The following ARHGEF12 variants were observed in gnomAD, a reference collection of about 807,000 sequenced individuals.
ARHGEF12 encodes KMT2A/ARHGEF12 fusion protein.
A neutral mutation model predicts 211.2 loss-of-function variants in ARHGEF12; 66 were observed. The observed-to-expected ratio is 0.31, with a 90% CI of 0.26 to 0.38. The LOEUF (loss-of-function observed/expected upper bound fraction) is 0.38. Ranked by LOEUF, ARHGEF12 falls within the 10% of genes least tolerant of loss-of-function variation. The probability of loss-of-function intolerance (pLI) is 1.00; values close to 1 mark genes in which losing one functional copy is unlikely to be tolerated. For synonymous variants in ARHGEF12, 592 were observed against 638.4 expected (o/e 0.93, Z 1.09); for missense variants, 1,429 against 1,869.5 (o/e 0.76, Z 4.34).
intron 1 of ARHGEF12, among the ~76,000 whole-genome samples, chr11:120,392,553 A>G (rs777528521): frequency 7.2e-5 from 11 of 152,182 alleles, no homozygotes; most frequent in Non-Finnish European, 1.3e-4. Context: ...ACACAAGTCA[A>G]ACTGACTTAA....
At chr11:120,482,265 T>G (rs2136015740) in intron 39 of ARHGEF12, among the ~76,000 whole-genome samples, 2 of 152,334 alleles carry the variant, frequency 1.3e-5, no homozygotes, top group South Asian at 4.1e-4. Flanking sequence ...CTGTAGCCTA[T>G]TATCTGTGAC....
At chr11:120,482,703 C>A (rs1307485778) in intron 39 of ARHGEF12, among the ~76,000 whole-genome samples, 1 of 151,568 alleles carries the variant, frequency 6.6e-6, no homozygotes, top group Non-Finnish European at 1.5e-5. Flanking sequence ...TGAGATCACG[C>A]CACTGCACTC....
At chr11:120,356,871 T>C (rs1943144994) in intron 1 of ARHGEF12, among the ~76,000 whole-genome samples, 1 of 152,192 alleles carries the variant, frequency 6.6e-6, no homozygotes, top group African/African-American at 2.4e-5. Flanking sequence ...ACTGTAATGT[T>C]TCCTACCCAT....
intron 1 of ARHGEF12, among the ~76,000 whole-genome samples, chr11:120,378,612 C>T (rs1052109660): frequency 2.0e-5 from 3 of 152,126 alleles, no homozygotes; most frequent in African/African-American, 4.8e-5. Context: ...TATAGTTTAG[C>T]TCTTATGTTT....
At chr11:120,367,625 A>C (rs1386958839) in intron 1 of ARHGEF12, among the ~76,000 whole-genome samples, 1 of 152,030 alleles carries the variant, frequency 6.6e-6, no homozygotes, top group Non-Finnish European at 1.5e-5. Context: ...TGGCCTCCCA[A>C]AGTGCTGGGA....
intron 7 of ARHGEF12, 64 bp from the exon 8 acceptor site, chr11:120,428,005 A>G: frequency 7.2e-7 from 1 of 1,388,078 alleles, no homozygotes; most frequent in Non-Finnish European, 9.6e-7. Flanking sequence ...GTAAAATGGT[A>G]TAAAAAGTTT....
intron 1 of ARHGEF12, among the ~76,000 whole-genome samples, chr11:120,384,568 A>C (rs1351759203): frequency 6.6e-6 from 1 of 152,140 alleles, no homozygotes; most frequent in Non-Finnish European, 1.5e-5. Flanking sequence ...GCTTCTAGGG[A>C]TTAGATTGCA....
intron 1 of ARHGEF12, among the ~76,000 whole-genome samples, chr11:120,392,251 A>G (rs1434620990): frequency 6.6e-6 from 1 of 152,102 alleles, no homozygotes; most frequent in Non-Finnish European, 1.5e-5. Flanking sequence ...ACATCTTCCC[A>G]TGGCTGGCTC....
intron 1 of ARHGEF12, among the ~76,000 whole-genome samples, chr11:120,347,147 C>T (rs113570263): frequency 0.11 from 5,257 of 46,416 alleles, 367 homozygotes; most frequent in Non-Finnish European, 0.12. Flanking sequence ...TTCCTTCCTT[C>T]CTTCCTTCCT....
chr11:120,377,722 T>A (rs1943768130), intron 1 of ARHGEF12, among the ~76,000 whole-genome samples: 1 of 152,344 alleles, frequency 6.6e-6, no homozygotes, highest in East Asian at 1.9e-4. Context: ...CTTACCATAA[T>A]AGTATTACAT....
intron 1 of ARHGEF12, among the ~76,000 whole-genome samples, chr11:120,373,003 A>G (rs1943630107): frequency 1.4e-5 from 2 of 146,054 alleles, no homozygotes; most frequent in Admixed American, 1.4e-4. Flanking sequence ...TATTACCAGT[A>G]TAATCTAAAC....
intron 1 of ARHGEF12, among the ~76,000 whole-genome samples, chr11:120,404,273 A>G (rs991922387): frequency 2.6e-5 from 4 of 152,204 alleles, no homozygotes; most frequent in Admixed American, 1.3e-4. Context: ...CTATGGGATT[A>G]TCTTGGTGAC....
rs777799500 is a variant in ARHGEF12 at position 120,459,265 on chromosome 11, A to T, written c.2472A>T (p.Ser824=). The part of the protein sequence containing the change: ...YQRVSREGIL[S]PSELRKIFSN... ...GAGTATCCAGAGAAGGAATTCTGTC[A>T]CCCTCAGAGCTACGGAAAATTTTTT... Residue 824 remains serine (S), a synonymous_variant, in exon 26 of 41, where the codon TCA becomes TCT. Transcript: ENST00000397843. 1 of 1,613,700 alleles carries T rather than the reference A, an allele frequency of 6.2e-7. No homozygotes were observed. Among genetic ancestry groups the T allele is most frequent in the Admixed American group, 1.7e-5 (1 of 59,990 alleles).
chr11:120,372,718 C>T (rs1049695235), intron 1 of ARHGEF12, among the ~76,000 whole-genome samples: 10 of 152,004 alleles, frequency 6.6e-5, no homozygotes, highest in Admixed American at 1.3e-4. Flanking sequence ...ATAAGATAGG[C>T]CTGAGTTCAG....
intron 1 of ARHGEF12, among the ~76,000 whole-genome samples, chr11:120,391,616 C>T (rs1206594177): frequency 6.6e-6 from 1 of 152,194 alleles, no homozygotes; most frequent in Non-Finnish European, 1.5e-5. Context: ...AAACACTTGC[C>T]TGGGCAGAGA....
chr11:120,481,570 C>G lies in ARHGEF12; in HGVS notation c.4548C>G (p.His1516Gln), dbSNP rs771043189. The change falls in exon 39 of 41, where the codon CAC (histidine) becomes CAG (glutamine). Residue 1516 changes from histidine (H) to glutamine (Q), a missense_variant. By Grantham distance (24) the His-to-Gln change is conservative. This residue lies in a region of ARHGEF12 where 467 missense variants were observed against 468.4 expected (regional missense o/e 1.00). Coordinates refer to ENST00000397843, the MANE Select transcript of ARHGEF12 (RefSeq NM_015313.3). Reference protein sequence around the residue: ...YIHKIEADLEHLKKVEESYTI... With the variant: ...YIHKIEADLEQLKKVEESYTI... Reference sequence around the variant, plus strand: ...ATAAGATAGAGGCTGACCTTGAACACTTAAAGGTACCTCATACTTCCACAT... The same window carrying G: ...ATAAGATAGAGGCTGACCTTGAACAGTTAAAGGTACCTCATACTTCCACAT... 1 of 1,612,990 alleles carries G rather than the reference C, an allele frequency of 6.2e-7. No homozygotes were observed. The highest frequency in any genetic ancestry group is 1.7e-5 in the Admixed American group (1 of 60,000).
At chr11:120,403,895 G>C (rs1284869877) in intron 1 of ARHGEF12, among the ~76,000 whole-genome samples, 1 of 152,178 alleles carries the variant, frequency 6.6e-6, no homozygotes, top group Non-Finnish European at 1.5e-5. Context: ...TCAGACTAAT[G>C]GTTGAACTGA....
Position 120,451,617 on chromosome 11 carries a change from G to T in ARHGEF12, c.1949G>T (p.Gly650Val), listed in dbSNP as rs199665294. ...GACTCTGCCAAGTTGCGCCAGAGTG[G>T]GTTAGCAAATGAAGGAACAGACGCT... ...PQDSAKLRQS[G>V]LANEGTDAGY... The change falls in exon 22 of 41, where the codon GGG (glycine) becomes GTG (valine). Residue 650 changes from glycine (G) to valine (V), a missense_variant. Coordinates refer to ENST00000397843, the MANE Select transcript of ARHGEF12 (RefSeq NM_015313.3). 1.6e-4 allele frequency: 265 copies of T among 1,614,130 alleles called. 4 individuals are homozygous for T. In the Admixed American group the frequency reaches 4.3e-3, roughly 26 times the overall value.
chr11:120,464,487 C>G (rs1946639097), intron 27 of ARHGEF12: 1 of 151,172 alleles, frequency 6.6e-6, no homozygotes, highest in African/African-American at 2.4e-5. Context: ...GAGGCTGAGA[C>G]AGGAGAATCA....
Sources: allele counts gnomAD v4.1 joint callset (sites outside exome capture counted in the v4.1 genomes callset), GRCh38; gene constraint gnomAD v4.1.1; regional missense constraint gnomAD v4.1.1; transcripts MANE v1.5; gene names NCBI Gene and HGNC (gene_info 2026-07-23, HGNC 2026-07-21).